FAM13C: variants seen among roughly 807,000 people sequenced by gnomAD.
FAM13C encodes protein FAM13C.
A neutral mutation model predicts 73.2 loss-of-function variants in FAM13C; 37 were observed. The observed-to-expected ratio is 0.51, with a 90% CI of 0.39 to 0.67. The LOEUF (loss-of-function observed/expected upper bound fraction) is 0.67, where lower values mean the gene tolerates loss of function less well. Among genes scored for constraint, FAM13C ranks in the 30% least tolerant of loss-of-function variants. FAM13C has a pLI of 0.00. For synonymous variants in FAM13C, 246 were observed against 260.9 expected (o/e 0.94, Z 0.55); for missense variants, 589 against 715.6 (o/e 0.82, Z 2.02).
At chr10:59,348,457 A>G (rs1363660530) in intron 3 of FAM13C, among the ~76,000 whole-genome samples, 1 of 152,228 alleles carries the variant, frequency 6.6e-6, no homozygotes, top group Admixed American at 6.5e-5. Flanking sequence ...GTCCTGGTGG[A>G]GCTTTGCCTG....
At chr10:59,287,113 G>A (rs1333207668) in intron 5 of FAM13C, among the ~76,000 whole-genome samples, 8 of 151,018 alleles carry the variant, frequency 5.3e-5, no homozygotes, top group Non-Finnish European at 1.0e-4. Context: ...GAGGTGGGAG[G>A]ATCACTTGAG....
chr10:59,355,788 A>T (rs1855636070), intron 2 of FAM13C, 99 bp downstream of exon 2: 1 of 1,179,846 alleles, frequency 8.5e-7, no homozygotes, highest in Non-Finnish European at 1.2e-6. Context: ...AGAACAAATA[A>T]TTGGAATTCA....
intron 4 of FAM13C, among the ~76,000 whole-genome samples, chr10:59,319,889 A>G (rs1477004261): frequency 6.6e-6 from 1 of 152,232 alleles, no homozygotes; most frequent in African/African-American, 2.4e-5. Context: ...ATGGAAGTCC[A>G]TATTAAAATG....
At chr10:59,351,487 C>T (rs756668355) in intron 3 of FAM13C, among the ~76,000 whole-genome samples, 4 of 152,044 alleles carry the variant, frequency 2.6e-5, no homozygotes, top group African/African-American at 4.8e-5. Flanking sequence ...TACTAATTGA[C>T]GTCAGAAAAC....
At chr10:59,286,904 C>T (rs1294098956) in intron 5 of FAM13C, among the ~76,000 whole-genome samples, 11 of 151,018 alleles carry the variant, frequency 7.3e-5, no homozygotes, top group East Asian at 3.9e-4. Context: ...TGTGGTGGCA[C>T]GCACCTGTAA....
intron 4 of FAM13C, among the ~76,000 whole-genome samples, chr10:59,310,672 A>G (rs999517778): frequency 3.9e-5 from 6 of 152,126 alleles, no homozygotes; most frequent in Non-Finnish European, 5.9e-5. Context: ...TTCCCAACCC[A>G]TGTATCCACT....
intron 3 of FAM13C, among the ~76,000 whole-genome samples, chr10:59,333,879 G>A (rs1589658985): frequency 1.3e-5 from 2 of 152,180 alleles, no homozygotes; most frequent in South Asian, 4.1e-4. Context: ...ATCAACAAGG[G>A]ACGTCTCTGC....
chr10:59,275,963 C>A (rs192662038), intron 6 of FAM13C, among the ~76,000 whole-genome samples: 1 of 152,222 alleles, frequency 6.6e-6, no homozygotes, highest in African/African-American at 2.4e-5. Context: ...GAAATCTTTC[C>A]TTAGAAAACA....
intron 4 of FAM13C, among the ~76,000 whole-genome samples, chr10:59,318,030 A>C (rs772428412): frequency 4.6e-5 from 7 of 151,716 alleles, no homozygotes; most frequent in Non-Finnish European, 5.9e-5. Context: ...AAACAATAGC[A>C]ACAATATAAG....
At chr10:59,318,663 G>T (rs866835569) in intron 4 of FAM13C, among the ~76,000 whole-genome samples, 1 of 139,454 alleles carries the variant, frequency 7.2e-6, no homozygotes, top group African/African-American at 2.8e-5. Flanking sequence ...CATCCACGGA[G>T]GGAGGCAGTG....
chr10:59,356,612 C>T (rs1180061453), intron 1 of FAM13C, among the ~76,000 whole-genome samples: 1 of 152,174 alleles, frequency 6.6e-6, no homozygotes, highest in Non-Finnish European at 1.5e-5. Context: ...TCTTCAACTC[C>T]TACTCATCCT....
At chr10:59,286,895 G>A (rs1229101714) in intron 5 of FAM13C, among the ~76,000 whole-genome samples, 1 of 151,294 alleles carries the variant, frequency 6.6e-6, no homozygotes, top group African/African-American at 2.4e-5. Flanking sequence ...TTAACCGGGT[G>A]TGGTGGCACG....
chr10:59,348,784 C>T (rs7914230), intron 3 of FAM13C, among the ~76,000 whole-genome samples: 24,317 of 152,024 alleles, frequency 0.16, 2,212 homozygotes, highest in East Asian at 0.32. Flanking sequence ...TATAGGCGTG[C>T]ACTACCATGC....
rs149459542 is a variant in FAM13C, at chr10:59,264,312, C to T, written c.943-146G>A. 3,165 of 616,718 alleles carry T rather than the reference C, an allele frequency of 5.1e-3. 15 individuals carry two copies. Among genetic ancestry groups the T allele is most frequent in the Middle Eastern group, 6.9e-3 (19 of 2,754 alleles). 38.2% of individuals were successfully genotyped at this position (616,718 alleles called of 1,614,324 possible). A position where few individuals can be genotyped will look rare whatever the true frequency, so the allele number is the denominator to read the frequency against. ...AATATATAAAGCTGGGAGAGAAATT[C>T]GGGTGTGAAATTTCTGATGGAGTTG... On this transcript the variant is annotated intron_variant, in intron 8 of 13. Transcript: ENST00000618804.
Position 59,344,944 on chromosome 10 carries a change from C to G in FAM13C, c.324+7326G>C, listed in dbSNP as rs16913452. Among the ~76,000 whole-genome samples, 621 of 152,310 alleles carry G rather than the reference C, an allele frequency of 4.1e-3. 26 individuals are homozygous for G. In the East Asian group the frequency reaches 0.1, roughly 25 times the overall value. On this transcript the variant is annotated intron_variant, in intron 3 of 13. Transcript: ENST00000618804. ...AAGGTGCCCCATGGACGCTCTTCTT[C>G]TCTCTATGTGTCGGTAGATCTTGAC...
At chr10:59,265,040 A>ACAATGGCAG (rs1842881372) in intron 8 of FAM13C, among the ~76,000 whole-genome samples, 4 of 151,978 alleles carry the variant, frequency 2.6e-5, no homozygotes, top group Admixed American at 6.6e-5. Flanking sequence ...AATCCATGTA[A>ACAATGGCAG]CAATGGCAGG....
intron 4 of FAM13C, among the ~76,000 whole-genome samples, chr10:59,311,002 G>A (rs1238851589): frequency 6.6e-6 from 1 of 152,178 alleles, no homozygotes; most frequent in Non-Finnish European, 1.5e-5. Context: ...TGCAAGGGAG[G>A]AACTTCTTTG....
Position 59,283,410 on chromosome 10 carries a change from G to A in FAM13C, c.545C>T (p.Ala182Val), listed in dbSNP as rs372726914. Residue 182 changes from alanine (A) to valine (V), a missense_variant, in exon 6 of 14, where the codon GCG becomes GTG. Coordinates refer to ENST00000618804, the MANE Select transcript of FAM13C (RefSeq NM_198215.4). ...AAQVHGVKDP[A>V]PASTQSVLAD... The stretch of plus-strand genomic sequence containing the variant: ...AAGCACGCTCTGGGTTGATGCTGGC[G>A]CCGGGTCCTTGACTCCATGCACCTG... 1.9e-5 allele frequency: 31 copies of A among 1,614,050 alleles called. No individual in the cohort carries two copies. In the Middle Eastern group the frequency reaches 6.6e-4, roughly 34 times the overall value.
intron 4 of FAM13C, among the ~76,000 whole-genome samples, chr10:59,322,660 C>CA (rs1564581816): frequency 6.6e-6 from 1 of 151,938 alleles, no homozygotes; most frequent in African/African-American, 2.4e-5. Context: ...GCATGAATGA[C>CA]TTTTTTTTGG....
Sources: allele counts gnomAD v4.1 joint callset (sites outside exome capture counted in the v4.1 genomes callset), GRCh38; gene constraint gnomAD v4.1.1; transcripts MANE v1.5; gene names NCBI Gene and HGNC (gene_info 2026-07-23, HGNC 2026-07-21).